Variants in ZYG11A observed in about 807,000 individuals in gnomAD.
ZYG11A encodes protein zyg-11 homolog A.
In ZYG11A, 62 loss-of-function variants were observed where a neutral mutation model predicts 77.2. The observed-to-expected ratio is 0.80, with a 90% CI of 0.65 to 0.99. The LOEUF (loss-of-function observed/expected upper bound fraction) is 0.99. Among genes scored for constraint, ZYG11A ranks in the 50% least tolerant of loss-of-function variants. ZYG11A has a pLI of 0.00. For missense variants in ZYG11A, 828 were observed against 896.8 expected (o/e 0.92, Z 0.98); for synonymous variants, 315 against 324.6 (o/e 0.97, Z 0.32).
chr1:52,862,323 T>G (rs1027790881), intron 4 of ZYG11A, among the ~76,000 whole-genome samples: 63 of 150,698 alleles, frequency 4.2e-4, no homozygotes, highest in Admixed American at 3.9e-3. Context: ...GGTTTTTTTT[T>G]TTTTTTGAGA....
intron 11 of ZYG11A, among the ~76,000 whole-genome samples, chr1:52,883,068 A>G (rs751799060): frequency 4.3e-4 from 66 of 151,800 alleles, no homozygotes; most frequent in Non-Finnish European, 8.5e-4. Context: ...ATAGTTCTAT[A>G]TCTATTTTTC....
intron 1 of ZYG11A, among the ~76,000 whole-genome samples, chr1:52,844,995 T>G (rs566252611): frequency 6.6e-6 from 1 of 152,194 alleles, no homozygotes; most frequent in South Asian, 2.1e-4. Context: ...CAGGCTGGTC[T>G]TTGAACTCCG....
In ZYG11A at chr1:52,893,750, G is replaced by A. The variant is rs971689666; in HGVS notation, c.*793G>A. 14 of 150,512 alleles carry A rather than the reference G, an allele frequency of 9.3e-5. No homozygotes were observed. Among genetic ancestry groups the A allele is most frequent in the Admixed American group, 4.6e-4 (7 of 15,074 alleles). 9.3% of individuals were successfully genotyped at this position (150,512 alleles called of 1,614,324 possible). ...ACTGCACTCCAGCCTGGATGACAGA[G>A]TGAGACCTCATCTCAAATGAATAGA... On this transcript the variant is annotated 3_prime_UTR_variant, in exon 14 of 14. Transcript: ENST00000371528.
chr1:52,853,362 C>T (rs1027691232), intron 1 of ZYG11A, among the ~76,000 whole-genome samples: 1 of 152,132 alleles, frequency 6.6e-6, no homozygotes, highest in African/African-American at 2.4e-5. Flanking sequence ...TTTCATAGGA[C>T]CTTGACTGTA....
intron 3 of ZYG11A, 35 bp from the exon 4 acceptor site, chr1:52,860,696 T>A: frequency 6.5e-7 from 1 of 1,543,176 alleles, no homozygotes; most frequent in Middle Eastern, 1.7e-4. Context: ...AAAATATGAA[T>A]GGTGAAACCT....
At position 52,880,715 on chromosome 1, in the gene ZYG11A, C is replaced by T. The variant is rs761097606; in HGVS notation, c.1750-756C>T. ...GGAACTTGGGGCAGCTTCTAGGAGC[C>T]GAACGTGGCCTCCAGCAAGAAACTG... On this transcript the variant is annotated intron_variant, in intron 10 of 13. Coordinates refer to ENST00000371528, the MANE Select transcript of ZYG11A (RefSeq NM_001004339.3). 4.6e-5 allele frequency among the ~76,000 whole-genome samples: 7 copies of T among 152,248 alleles called. No individual in the cohort carries two copies. The East Asian group carries it at 5.8e-4, about 13-fold the overall frequency.
intron 1 of ZYG11A, 32 bp downstream of exon 1, chr1:52,843,005 C>G: frequency 6.7e-7 from 1 of 1,489,268 alleles, no homozygotes; most frequent in South Asian, 1.3e-5. Flanking sequence ...GCGACGCGGA[C>G]CTCGGCGCCA....
At chr1:52,892,397 G>A (rs1416356127) in intron 13 of ZYG11A, among the ~76,000 whole-genome samples, 5 of 151,140 alleles carry the variant, frequency 3.3e-5, no homozygotes, top group Admixed American at 3.3e-4. Flanking sequence ...GCGTGGTGGG[G>A]CATGCCTGTA....
At chr1:52,846,344 A>C (rs1360880087) in intron 1 of ZYG11A, among the ~76,000 whole-genome samples, 60,150 of 100,224 alleles carry the variant, frequency 0.6, 17,319 homozygotes, top group Non-Finnish European at 0.65. Flanking sequence ...ATATATATAT[A>C]TATATATATA....
intron 8 of ZYG11A, among the ~76,000 whole-genome samples, chr1:52,870,153 C>T (rs1190520199): frequency 1.4e-5 from 2 of 144,670 alleles, no homozygotes; most frequent in South Asian, 2.4e-4. Context: ...GATGGGCAGC[C>T]GGGCAGAGAC....
chr1:52,867,451 G>C, intron 6 of ZYG11A, 88 bp from the exon 7 acceptor site: 1 of 869,484 alleles, frequency 1.2e-6, no homozygotes, highest in Non-Finnish European at 1.8e-6. Context: ...TTCATTATAG[G>C]ATTACTTGGG....
chr1:52,863,619 C>T (rs978657525), intron 4 of ZYG11A, among the ~76,000 whole-genome samples: 1 of 152,212 alleles, frequency 6.6e-6, no homozygotes, highest in Non-Finnish European at 1.5e-5. Flanking sequence ...AGTGTTATTA[C>T]TGTCACAAGG....
In ZYG11A at chr1:52,867,540, T is replaced by C; in HGVS notation, c.1393T>C (p.Phe465Leu). ...AGAAAAATAAATACTGCTTTTCAGGTTTGATGCTGCCAAGTTTGTCATGAG... is the reference window on the plus strand; with the variant it reads ...AGAAAAATAAATACTGCTTTTCAGGCTTGATGCTGCCAAGTTTGTCATGAG... ...RILVDVPFDR[F>L]DAAKFVMRWL... The change falls in exon 7 of 14, where the codon TTT (phenylalanine) becomes CTT (leucine). Residue 465 changes from phenylalanine (F) to leucine (L), a missense_variant and splice_region_variant. Phe to Leu is a conservative substitution (Grantham distance 22, BLOSUM62 0). Coordinates refer to ENST00000371528, the MANE Select transcript of ZYG11A (RefSeq NM_001004339.3). 6.5e-7 allele frequency: 1 copy of C among 1,549,122 alleles called. No homozygotes were observed. The highest frequency in any genetic ancestry group is 8.7e-7 in the Non-Finnish European group (1 of 1,144,424).
At chr1:52,847,840 A>C (rs1645623657) in intron 1 of ZYG11A, among the ~76,000 whole-genome samples, 1 of 50,572 alleles carries the variant, frequency 2.0e-5, no homozygotes, top group Non-Finnish European at 3.9e-5. Flanking sequence ...TTGCTAATTT[A>C]TTTATTTATT....
chr1:52,870,195 G>T (rs190642235), intron 8 of ZYG11A, among the ~76,000 whole-genome samples: 1,080 of 66,036 alleles, frequency 0.016, 23 homozygotes, highest in African/African-American at 0.034. Flanking sequence ...ATGGCGGCCG[G>T]GAAGAGACGC....
chr1:52,871,134 C>CTTTGT (rs1176015513), intron 8 of ZYG11A, among the ~76,000 whole-genome samples: 1 of 151,944 alleles, frequency 6.6e-6, no homozygotes, highest in Non-Finnish European at 1.5e-5. Flanking sequence ...TTAAAAAATT[C>CTTTGT]TTTGTTTTGT....
chr1:52,853,080 A>G (rs1398296702), intron 1 of ZYG11A, among the ~76,000 whole-genome samples: 1 of 152,198 alleles, frequency 6.6e-6, no homozygotes, highest in African/African-American at 2.4e-5. Context: ...GAGCCCATTG[A>G]CACTTGTTGA....
At chr1:52,874,709 A>T (rs1366101871) in intron 8 of ZYG11A, among the ~76,000 whole-genome samples, 4 of 152,050 alleles carry the variant, frequency 2.6e-5, no homozygotes, top group African/African-American at 7.2e-5. Context: ...TCTACTAAAA[A>T]TACAAAAATT....
intron 8 of ZYG11A, among the ~76,000 whole-genome samples, chr1:52,870,949 T>C (rs1295318746): frequency 1.3e-5 from 2 of 152,196 alleles, no homozygotes; most frequent in Admixed American, 6.5e-5. Context: ...TTGACTATGA[T>C]ATTGGGTGCA....
Sources: gnomAD v4.1 joint callset for allele counts (sites outside exome capture counted in the v4.1 genomes callset) on GRCh38, gnomAD v4.1.1 for gene constraint, MANE v1.5 for transcripts, NCBI Gene and HGNC (gene_info 2026-07-23, HGNC 2026-07-21) for gene names.